OSBPL11: variants seen among roughly 807,000 people sequenced by gnomAD.
OSBPL11 encodes oxysterol-binding protein-related protein 11.
Under a neutral mutation model 84.4 loss-of-function variants are expected in OSBPL11, and 33 were observed. That is an observed-to-expected ratio of 0.39 (90% CI 0.30 to 0.52). The LOEUF (loss-of-function observed/expected upper bound fraction) is 0.52, where lower values mean the gene tolerates loss of function less well. OSBPL11 is among the 20% of genes least tolerant of loss of function. The pLI is 0.72. For synonymous variants in OSBPL11, 276 were observed against 310.2 expected (o/e 0.89, Z 1.16); for missense variants, 736 against 901.1 (o/e 0.82, Z 2.35).
intron 10 of OSBPL11, among the ~76,000 whole-genome samples, chr3:125,542,808 C>A (rs2107590353): frequency 6.6e-6 from 1 of 152,162 alleles, no homozygotes; most frequent in East Asian, 1.9e-4. Flanking sequence ...CCACGCCCAG[C>A]CTAATTTTGT....
chr3:125,587,842 G>A (rs1327212457), intron 1 of OSBPL11, among the ~76,000 whole-genome samples: 1 of 152,210 alleles, frequency 6.6e-6, no homozygotes, highest in Non-Finnish European at 1.5e-5. Flanking sequence ...AGGACACTGA[G>A]ATGGGAGGAT....
At chr3:125,579,297 C>T (rs368694278) in intron 3 of OSBPL11, among the ~76,000 whole-genome samples, 129 of 152,260 alleles carry the variant, frequency 8.5e-4, no homozygotes, top group African/African-American at 2.9e-3. Flanking sequence ...CATGTTGCAA[C>T]TCATAAAAAT....
chr3:125,594,624 G>A lies in OSBPL11; in HGVS notation c.164+13C>T. 1 of 1,608,954 alleles carries A rather than the reference G, an allele frequency of 6.2e-7. No homozygotes were observed. Among genetic ancestry groups the A allele is most frequent in the Non-Finnish European group, 8.5e-7 (1 of 1,177,092 alleles). On this transcript the variant is annotated intron_variant, in intron 1 of 12. Transcript: ENST00000296220. ...CTCCACCTCGGGAAATAATTTTGGA[G>A]AAAGGAGCATACCTGTACTGCCAGC...
intron 2 of OSBPL11, among the ~76,000 whole-genome samples, chr3:125,581,035 G>C (rs1037090047): frequency 1.3e-5 from 2 of 151,902 alleles, no homozygotes; most frequent in African/African-American, 4.8e-5. Context: ...ATTCTGATTT[G>C]GTTCTAGATT....
chr3:125,557,101 G>A (rs1044342315), intron 8 of OSBPL11, among the ~76,000 whole-genome samples: 20 of 151,994 alleles, frequency 1.3e-4, no homozygotes, highest in African/African-American at 4.3e-4. Context: ...GTTATGTTAG[G>A]GTAGTAAAAT....
At chr3:125,562,043 A>G (rs1351880739) in intron 7 of OSBPL11, among the ~76,000 whole-genome samples, 5 of 152,046 alleles carry the variant, frequency 3.3e-5, no homozygotes, top group Non-Finnish European at 7.4e-5. Flanking sequence ...TCATCTTGAG[A>G]TTCCCATTCT....
intron 7 of OSBPL11, among the ~76,000 whole-genome samples, chr3:125,563,358 T>C (rs183122844): frequency 6.6e-6 from 1 of 152,272 alleles, no homozygotes; most frequent in African/African-American, 2.4e-5. Context: ...AATGTTAAGA[T>C]AATAGGTTAA....
At chr3:125,542,684 G>A (rs996567536) in intron 10 of OSBPL11, among the ~76,000 whole-genome samples, 2 of 151,846 alleles carry the variant, frequency 1.3e-5, no homozygotes, top group Admixed American at 6.6e-5. Flanking sequence ...AATTTTTTTT[G>A]TATTTTTAGT....
At chr3:125,579,224 C>T (rs1214103475) in intron 3 of OSBPL11, among the ~76,000 whole-genome samples, 185 bp from the exon 4 acceptor site, 1 of 152,160 alleles carries the variant, frequency 6.6e-6, no homozygotes, top group Non-Finnish European at 1.5e-5. Context: ...AACACAGTAG[C>T]TGGATGTAGT....
chr3:125,562,430 ATT>A (rs905629381), intron 7 of OSBPL11, among the ~76,000 whole-genome samples: 10 of 152,188 alleles, frequency 6.6e-5, no homozygotes, highest in African/African-American at 2.4e-4. Context: ...TTTATACATT[ATT>A]GTTTTTTCTT....
At chr3:125,549,884 T>C (rs1267419890) in intron 9 of OSBPL11, among the ~76,000 whole-genome samples, 1 of 152,162 alleles carries the variant, frequency 6.6e-6, no homozygotes, top group East Asian at 1.9e-4. Flanking sequence ...AACTGTCCTT[T>C]GGGAGAGTGT....
chr3:125,538,399 T>C, intron 11 of OSBPL11, 52 bp downstream of exon 11: 2 of 1,540,514 alleles, frequency 1.3e-6, no homozygotes, highest in Non-Finnish European at 1.8e-6. Flanking sequence ...AAGGCTTAGA[T>C]TAAGATGCAG....
chr3:125,552,587 A>G lies in OSBPL11; in HGVS notation c.1248T>C (p.Thr416=). The G allele has an allele frequency of 6.2e-7, 1 of 1,614,222 alleles. No individual in the cohort carries two copies. The highest frequency in any genetic ancestry group is 8.5e-7 in the Non-Finnish European group (1 of 1,180,040). The change falls in exon 9 of 13, where the codon ACT becomes ACC. Residue 416 remains threonine, a synonymous_variant. Transcript: ENST00000296220. ...TTCTGTCCTCAGCTGTGGCTCCATT[A>G]GTGATGGCTATAAATAGGTCTGGAT... is the stretch of plus-strand genomic sequence containing the variant. ...MSHPDLFIAI[T]NGATAEDRMI... is the part of the protein sequence containing the mutation.
intron 3 of OSBPL11, among the ~76,000 whole-genome samples, chr3:125,579,464 TAC>T (rs1201074819): frequency 1.3e-5 from 2 of 152,250 alleles, no homozygotes; most frequent in Non-Finnish European, 2.9e-5. Context: ...ACAGAAGTTA[TAC>T]GTTATTTTAA....
chr3:125,573,306 T>G (rs902897531), intron 5 of OSBPL11, among the ~76,000 whole-genome samples: 10 of 152,190 alleles, frequency 6.6e-5, no homozygotes, highest in Middle Eastern at 3.4e-3. Context: ...ATCACTCAGG[T>G]GGCATATAAT....
Position 125,576,113 on chromosome 3 carries a change from T to C in OSBPL11, c.666+76A>G, listed in dbSNP as rs1035078109. 1.6e-5 allele frequency: 21 copies of C among 1,342,840 alleles called. No individual in the cohort carries two copies. The African/African-American group carries it at 3.0e-4, about 19-fold the overall frequency. 83.2% of individuals were successfully genotyped at this position (1,342,840 alleles called of 1,614,324 possible). ...AAGGCCCTTGAAGACACAAACAGTA[T>C]TTAAGTTTTTTTGTGACAAAACCAA... is the stretch of plus-strand genomic sequence containing the variant. On this transcript the variant is annotated intron_variant, in intron 5 of 12. Coordinates refer to ENST00000296220, the MANE Select transcript of OSBPL11 (RefSeq NM_022776.5).
intron 11 of OSBPL11, among the ~76,000 whole-genome samples, chr3:125,535,437 A>AC (rs1559833754): frequency 2.7e-4 from 34 of 126,804 alleles, no homozygotes; most frequent in Non-Finnish European, 4.3e-4. Context: ...ATTCAGAAGC[A>AC]TCTTTTTTTT....
intron 1 of OSBPL11, among the ~76,000 whole-genome samples, chr3:125,593,167 C>T (rs1936625450): frequency 6.6e-6 from 1 of 152,204 alleles, no homozygotes; most frequent in Admixed American, 6.5e-5. Flanking sequence ...CCACCCACAG[C>T]CCCATAGCAG....
chr3:125,565,337 G>A (rs1936137666), intron 6 of OSBPL11, among the ~76,000 whole-genome samples: 1 of 152,142 alleles, frequency 6.6e-6, no homozygotes, highest in South Asian at 2.1e-4. Context: ...TGAGAATTAT[G>A]ATTACCAACA....
Sources: allele counts gnomAD v4.1 joint callset (sites outside exome capture counted in the v4.1 genomes callset), GRCh38; gene constraint gnomAD v4.1.1; transcripts MANE v1.5; gene names NCBI Gene and HGNC (gene_info 2026-07-23, HGNC 2026-07-21).